Variants in UBL3 observed in about 807,000 individuals in gnomAD.
UBL3 encodes the protein ubiquitin like 3, also known as ubiquitin-like protein 3.
In UBL3, 6 loss-of-function variants were observed where a neutral mutation model predicts 18.4. The ratio of observed to expected loss-of-function variants is 0.33; its 90% CI spans 0.18 to 0.64. The LOEUF (loss-of-function observed/expected upper bound fraction) is 0.64. Ranked by LOEUF, UBL3 falls within the 30% of genes least tolerant of loss-of-function variation. The probability of loss-of-function intolerance (pLI) is 0.76; values close to 1 mark genes in which losing one functional copy is unlikely to be tolerated. For synonymous variants in UBL3, 49 were observed against 46.6 expected (o/e 1.05, Z -0.21); for missense variants, 109 against 142.9 (o/e 0.76, Z 1.21).
chr13:29,777,829 C>A (rs1444393064), intron 1 of UBL3, among the ~76,000 whole-genome samples: 1 of 152,066 alleles, frequency 6.6e-6, no homozygotes, highest in Non-Finnish European at 1.5e-5. Context: ...TGTAGTGGTA[C>A]AATCTTGGCT....
rs372706712 is a variant in UBL3 at position 29,776,795 on chromosome 13, C to T, written c.136+360G>A. Among the ~76,000 whole-genome samples the T allele has an allele frequency of 3.7e-3, 484 of 131,078 alleles. 2 individuals carry two copies. The highest frequency in any genetic ancestry group is 7.8e-3 in the African/African-American group (271 of 34,756). 86.0% of individuals were successfully genotyped at this position (131,078 alleles called of 152,430 possible). A position where few individuals can be genotyped will look rare whatever the true frequency, so the allele number is the denominator to read the frequency against. On this transcript the variant is annotated intron_variant, in intron 2 of 4. Coordinates refer to ENST00000380680, the MANE Select transcript of UBL3 (RefSeq NM_007106.4). The stretch of plus-strand genomic sequence containing the variant: ...CTGAGGTAGGGGAATCACTTGAGCC[C>T]GGGAGGCAGAGGTTGCGGTGAGCTA...
chr13:29,804,085 TAAAAAA>T (rs977415696), intron 1 of UBL3, among the ~76,000 whole-genome samples: 1 of 129,126 alleles, frequency 7.7e-6, no homozygotes, highest in Non-Finnish European at 1.7e-5. Flanking sequence ...CTCAGCTAAA[TAAAAAA>T]AAAAAAACCT....
At chr13:29,824,923 A>C (rs1878577721) in intron 1 of UBL3, among the ~76,000 whole-genome samples, 1 of 152,186 alleles carries the variant, frequency 6.6e-6, no homozygotes, top group Non-Finnish European at 1.5e-5. Flanking sequence ...CTTTCTACAT[A>C]TGGCTAGCCA....
chr13:29,785,484 A>C (rs1424133737), intron 1 of UBL3, among the ~76,000 whole-genome samples: 1 of 152,216 alleles, frequency 6.6e-6, no homozygotes, highest in Non-Finnish European at 1.5e-5. Context: ...TAGAAGATAT[A>C]AACCTATCAG....
At chr13:29,801,952 G>A (rs1409196427) in intron 1 of UBL3, among the ~76,000 whole-genome samples, 3 of 152,214 alleles carry the variant, frequency 2.0e-5, no homozygotes, top group Non-Finnish European at 4.4e-5. Context: ...AAACTGGGAA[G>A]GGAACATGAA....
intron 2 of UBL3, among the ~76,000 whole-genome samples, chr13:29,773,582 A>AT (rs914220563): frequency 1.5e-4 from 23 of 150,540 alleles, no homozygotes; most frequent in Admixed American, 6.0e-4. Flanking sequence ...AAATACTTGA[A>AT]TTTTTTTTTT....
chr13:29,833,826 C>T (rs184098830), intron 1 of UBL3, among the ~76,000 whole-genome samples: 127 of 152,310 alleles, frequency 8.3e-4, no homozygotes, highest in African/African-American at 3.0e-3. Flanking sequence ...TTGTTTGCTT[C>T]ATTCACCACT....
intron 1 of UBL3, among the ~76,000 whole-genome samples, chr13:29,835,125 AATATATATAT>A (rs59643985): frequency 1.2e-3 from 28 of 23,392 alleles, no homozygotes; most frequent in South Asian, 3.5e-3. Flanking sequence ...TATATATATA[AATATATATAT>A]ATATATATAT....
At chr13:29,845,895 C>A (rs1879216762) in intron 1 of UBL3, among the ~76,000 whole-genome samples, 1 of 152,000 alleles carries the variant, frequency 6.6e-6, no homozygotes, top group Non-Finnish European at 1.5e-5. Context: ...TTAAAGTTTT[C>A]AATGTAATAG....
chr13:29,784,464 AC>A (rs1257195918), intron 1 of UBL3, among the ~76,000 whole-genome samples: 8 of 151,624 alleles, frequency 5.3e-5, no homozygotes, highest in Non-Finnish European at 8.8e-5. Flanking sequence ...CAACAGAAGC[AC>A]CCTTTGCCTT....
intron 1 of UBL3, among the ~76,000 whole-genome samples, chr13:29,828,855 T>C (rs1309563863): frequency 6.6e-6 from 1 of 152,166 alleles, no homozygotes; most frequent in Non-Finnish European, 1.5e-5. Flanking sequence ...GGGGTTTTGG[T>C]GTGGATGTCC....
chr13:29,814,703 G>A (rs531183144), intron 1 of UBL3, among the ~76,000 whole-genome samples: 29 of 152,238 alleles, frequency 1.9e-4, no homozygotes, highest in Non-Finnish European at 3.7e-4. Context: ...AATGACCTAG[G>A]CGGGCTGCTG....
intron 1 of UBL3, among the ~76,000 whole-genome samples, chr13:29,817,239 T>C (rs1593667128): frequency 1.3e-5 from 2 of 152,182 alleles, no homozygotes; most frequent in East Asian, 3.8e-4. Flanking sequence ...TGAATGTCAT[T>C]TGGGGAAGTC....
At chr13:29,780,908 T>A (rs1313431406) in intron 1 of UBL3, among the ~76,000 whole-genome samples, 1 of 152,184 alleles carries the variant, frequency 6.6e-6, no homozygotes, top group Non-Finnish European at 1.5e-5. Flanking sequence ...GCGCGGTGGC[T>A]CACGCCTGTA....
In UBL3 at chr13:29,777,232, T is replaced by C. The variant is rs1877023216; in HGVS notation, c.59A>G (p.Lys20Arg). 2.4e-5 allele frequency: 39 copies of C among 1,610,310 alleles called. No individual in the cohort carries two copies. The highest frequency in any genetic ancestry group is 3.1e-5 in the Non-Finnish European group (37 of 1,178,164). ...AGGAGAAAACAGGAACTCTTTTGTT[T>C]TTCCGCTTACCAAAATGAGGCGCAA... ...INLRLILVSG[K>R]TKEFLFSPND... is the part of the protein sequence containing the mutation. Residue 20 changes from lysine to arginine, a missense_variant, in exon 2 of 5, where the codon AAA (lysine) becomes AGA (arginine). Physicochemically the swap from Lys to Arg is conservative, Grantham distance 26. Coordinates refer to ENST00000380680, the MANE Select transcript of UBL3 (RefSeq NM_007106.4).
intron 1 of UBL3, among the ~76,000 whole-genome samples, chr13:29,789,424 A>G (rs1877427120): frequency 1.3e-5 from 2 of 152,250 alleles, no homozygotes; most frequent in African/African-American, 4.8e-5. Context: ...CAAAATTCAG[A>G]ATCTTTCATA....
In UBL3 at chr13:29,849,661, A is replaced by C. The variant is rs747688256; in HGVS notation, c.-123T>G. ...TGGTTCGTGATGTGCTTTCTCCCCCAAAAATAAAGTTATTTTGGAGCCAAA... is the reference window on the plus strand; with the variant it reads ...TGGTTCGTGATGTGCTTTCTCCCCCCAAAATAAAGTTATTTTGGAGCCAAA... On this transcript the variant is annotated 5_prime_UTR_variant, in exon 1 of 5. Coordinates refer to ENST00000380680, the MANE Select transcript of UBL3 (RefSeq NM_007106.4). 282 of 1,308,940 alleles carry C rather than the reference A, an allele frequency of 2.2e-4. No individual in the cohort carries two copies. Among genetic ancestry groups the C allele is most frequent in the Non-Finnish European group, 2.7e-4 (252 of 931,938 alleles). The allele number at this position is 1,308,940 out of a possible 1,614,324, so 81.1% of individuals were successfully genotyped here.
intron 1 of UBL3, among the ~76,000 whole-genome samples, chr13:29,820,718 A>C (rs1878413994): frequency 6.6e-6 from 1 of 152,226 alleles, no homozygotes. Context: ...TTAGGTTCTG[A>C]CCATGAGAAA....
intron 1 of UBL3, among the ~76,000 whole-genome samples, chr13:29,827,891 T>G (rs918343152): frequency 2.6e-5 from 4 of 152,244 alleles, no homozygotes; most frequent in African/African-American, 9.6e-5. Flanking sequence ...ACAAAATCTC[T>G]CAGCATTTGC....
Sources: allele counts gnomAD v4.1 joint callset (sites outside exome capture counted in the v4.1 genomes callset), GRCh38; gene constraint gnomAD v4.1.1; transcripts MANE v1.5; gene names NCBI Gene and HGNC (gene_info 2026-07-23, HGNC 2026-07-21).